The following STRBP variants were observed in gnomAD, a reference collection of about 807,000 sequenced individuals.
STRBP encodes spermatid perinuclear RNA-binding protein.
In STRBP, 13 loss-of-function variants were observed where a neutral mutation model predicts 80.1. That is an observed-to-expected ratio of 0.16 (90% confidence interval 0.11 to 0.26). STRBP has a LOEUF of 0.26. Among genes scored for constraint, STRBP ranks in the 10% least tolerant of loss-of-function variants. The pLI is 1.00. For synonymous variants in STRBP, 284 were observed against 291.2 expected (o/e 0.98, Z 0.25); for missense variants, 485 against 815.2 (o/e 0.59, Z 4.93).
At chr9:123,130,521 G>A (rs1443507444) in intron 17 of STRBP, among the ~76,000 whole-genome samples, 5 of 152,030 alleles carry the variant, frequency 3.3e-5, no homozygotes. Context: ...GTGGTAAATG[G>A]TCCGCGGCAA....
chr9:123,155,571 G>A (rs553234965), intron 11 of STRBP, among the ~76,000 whole-genome samples: 1 of 152,112 alleles, frequency 6.6e-6, no homozygotes, highest in East Asian at 1.9e-4. Context: ...GGAGGATGAA[G>A]GACTATGCAA....
At position 123,124,417 on chromosome 9, in the gene STRBP, A is replaced by T; in HGVS notation, c.*1180T>A. On this transcript the variant is annotated 3_prime_UTR_variant, in exon 19 of 19. Transcript: ENST00000348403. ...TCTGCACCCTTTACAGAACAGCACA[A>T]TGTTACCCACTGATCCATTTCCACC... The T allele has an allele frequency of 1.0e-6, 1 of 985,416 alleles. No individual in the cohort carries two copies. Among genetic ancestry groups the T allele is most frequent in the Non-Finnish European group, 1.2e-6 (1 of 829,942 alleles). 61.0% of individuals were successfully genotyped at this position (985,416 alleles called of 1,614,324 possible).
intron 2 of STRBP, among the ~76,000 whole-genome samples, chr9:123,187,950 C>T (rs2038767419): frequency 7.7e-6 from 1 of 129,906 alleles, no homozygotes; most frequent in South Asian, 2.2e-4. Flanking sequence ...ATGCATTCAC[C>T]ATTACAGTAT....
chr9:123,163,277 C>T (rs1001450201), intron 6 of STRBP, among the ~76,000 whole-genome samples: 10 of 152,188 alleles, frequency 6.6e-5, no homozygotes, highest in African/African-American at 2.4e-4. Flanking sequence ...GATTGTAACA[C>T]AGATATTTTT....
At chr9:123,257,563 C>T (rs2041060738) in intron 1 of STRBP, among the ~76,000 whole-genome samples, 1 of 152,164 alleles carries the variant, frequency 6.6e-6, no homozygotes, top group Admixed American at 6.5e-5. Flanking sequence ...GCCTGTAATC[C>T]CAGGGCTTTG....
intron 2 of STRBP, among the ~76,000 whole-genome samples, chr9:123,222,490 G>A (rs2040098588): frequency 6.6e-6 from 1 of 151,914 alleles, no homozygotes; most frequent in African/African-American, 2.4e-5. Context: ...AGTCAATAGA[G>A]CAAGTAAATA....
rs2132424982 is a variant in STRBP, at chr9:123,169,773, A to C, written c.535+129T>G. On this transcript the variant is annotated intron_variant, in intron 6 of 18. Coordinates refer to ENST00000348403, the MANE Select transcript of STRBP (RefSeq NM_018387.5). ...AGCCATTTAAAATACTATTAAATAG[A>C]GTGGCATAAAACAAATGAAGGCTGT... 3 of 500,164 alleles carry C rather than the reference A, an allele frequency of 6.0e-6. No homozygotes were observed. The South Asian group carries it at 2.9e-4, about 49-fold the overall frequency. 31.0% of individuals were successfully genotyped at this position (500,164 alleles called of 1,614,324 possible).
intron 1 of STRBP, among the ~76,000 whole-genome samples, chr9:123,256,791 A>C (rs2132643623): frequency 6.6e-6 from 1 of 152,082 alleles, no homozygotes; most frequent in East Asian, 1.9e-4. Flanking sequence ...ATTAACCTAA[A>C]CTGCGCATCC....
intron 16 of STRBP, among the ~76,000 whole-genome samples, chr9:123,135,001 T>C (rs908453894): frequency 3.9e-5 from 6 of 152,236 alleles, no homozygotes; most frequent in African/African-American, 1.4e-4. Context: ...GTGTTTATTA[T>C]AGCAAATACA....
intron 1 of STRBP, among the ~76,000 whole-genome samples, chr9:123,267,152 G>A (rs1412985748): frequency 3.4e-5 from 3 of 88,298 alleles, no homozygotes; most frequent in Non-Finnish European, 6.1e-5. Context: ...CACACTCCAC[G>A]CCACCCCACA....
chr9:123,173,655 G>C (rs2038102843), intron 5 of STRBP, 22 bp downstream of exon 5: 1 of 1,575,412 alleles, frequency 6.3e-7, no homozygotes, highest in East Asian at 2.3e-5. Flanking sequence ...TTCGCCTAGA[G>C]GTGCAGTTAA....
intron 2 of STRBP, among the ~76,000 whole-genome samples, chr9:123,215,877 CT>C (rs1302200724): frequency 1.3e-5 from 2 of 152,198 alleles, no homozygotes; most frequent in African/African-American, 2.4e-5. Context: ...AAGTTCGATT[CT>C]GGATTCTTAT....
chr9:123,160,354 T>C lies in STRBP; in HGVS notation c.723+13A>G. 1 of 1,555,820 alleles carries C rather than the reference T, an allele frequency of 6.4e-7. No homozygotes were observed. The highest frequency in any genetic ancestry group is 8.8e-7 in the Non-Finnish European group (1 of 1,141,740). On this transcript the variant is annotated intron_variant, in intron 8 of 18. Transcript: ENST00000348403. Reference sequence around the variant, plus strand: ...GCTTCCAAATTTGCTTTTAGCCATATTTAAGTACTTACCCATCCTTTCAAT... The same window carrying C: ...GCTTCCAAATTTGCTTTTAGCCATACTTAAGTACTTACCCATCCTTTCAAT...
chr9:123,229,752 T>C (rs1210670605), intron 2 of STRBP, among the ~76,000 whole-genome samples: 1 of 152,126 alleles, frequency 6.6e-6, no homozygotes, highest in Non-Finnish European at 1.5e-5. Context: ...ATCAGTTGAA[T>C]GGGAGAGAGG....
chr9:123,160,995 T>C lies in STRBP; in HGVS notation c.609A>G (p.Arg203=). 6.3e-7 allele frequency: 1 copy of C among 1,587,448 alleles called. No individual in the cohort carries two copies. The highest frequency in any genetic ancestry group is 8.5e-7 in the Non-Finnish European group (1 of 1,173,300). The stretch of plus-strand genomic sequence containing the variant: ...AGCCAACCTGAAACCATTTGGCATG[T>C]CGAAGAGACGCCAAGGCGTTCAGGC... The part of the protein sequence containing the change: ...QKCLNALASL[R]HAKWFQARAN... Residue 203 remains arginine (R), a synonymous_variant, in exon 7 of 19, where the codon CGA becomes CGG. Transcript: ENST00000348403.
chr9:123,115,988 C>T lies in STRBP; in HGVS notation c.*25G>A. 2 of 456,280 alleles carry T rather than the reference C, an allele frequency of 4.4e-6. No individual in the cohort carries two copies. The highest frequency in any genetic ancestry group is 3.1e-5 in the South Asian group (2 of 64,564). The allele number at this position is 456,280 out of a possible 1,614,324, so 28.3% of individuals were successfully genotyped here. A position where few individuals can be genotyped will look rare whatever the true frequency, so the allele number is the denominator to read the frequency against. On this transcript the variant is annotated 3_prime_UTR_variant and NMD_transcript_variant, in exon 3 of 4. Transcript: ENST00000471564. This position sits in a 1 kb window ranked among gnomAD's most constrained non-coding sequence, Gnocchi z 5.0. Reference sequence around the variant, plus strand: ...TCTTCACCAGCCTTAACCTTCTGGTCCTTCCATCTCATTTCAAGGTGCTTT... The same window carrying T: ...TCTTCACCAGCCTTAACCTTCTGGTTCTTCCATCTCATTTCAAGGTGCTTT...
intron 1 of STRBP, among the ~76,000 whole-genome samples, chr9:123,268,178 G>A (rs1361260927): frequency 2.0e-5 from 3 of 151,908 alleles, no homozygotes; most frequent in African/African-American, 4.8e-5. Context: ...CGAAGGTGAG[G>A]AAGGCTGCCC....
At chr9:123,158,516 T>G in intron 9 of STRBP, 87 bp from the exon 10 acceptor site, 1 of 1,193,708 alleles carries the variant, frequency 8.4e-7, no homozygotes, top group Non-Finnish European at 1.2e-6. Flanking sequence ...CTGGGGAGAA[T>G]GAAGAGAAAA....
At chr9:123,207,639 C>T (rs547996391) in intron 2 of STRBP, among the ~76,000 whole-genome samples, 2 of 152,128 alleles carry the variant, frequency 1.3e-5, no homozygotes, top group East Asian at 1.9e-4. Context: ...ATGTACATGA[C>T]GGGTCGATGG....
Sources: gnomAD v4.1 joint callset for allele counts (sites outside exome capture counted in the v4.1 genomes callset) on GRCh38, gnomAD v4.1.1 for gene constraint, Gnocchi (gnomAD v3.1) non-coding constraint, MANE v1.5 for transcripts, NCBI Gene and HGNC (gene_info 2026-07-23, HGNC 2026-07-21) for gene names.